The following ZMPSTE24 variants were observed in gnomAD, a reference collection of about 807,000 sequenced individuals.
The protein encoded by ZMPSTE24 is zinc metallopeptidase STE24.
Under a neutral mutation model 56.7 loss-of-function variants are expected in ZMPSTE24, and 48 were observed. That is an observed-to-expected ratio of 0.85 (90% CI 0.67 to 1.08). The LOEUF is 1.08. ZMPSTE24 is among the 50% of genes least tolerant of loss of function. ZMPSTE24 has a pLI of 0.00. For missense variants in ZMPSTE24, 503 were observed against 548.7 expected (o/e 0.92, Z 0.83); for synonymous variants, 172 against 195.2 (o/e 0.88, Z 0.99).
At chr1:40,287,097 C>G (rs1184092172) in intron 8 of ZMPSTE24, among the ~76,000 whole-genome samples, 6 of 148,288 alleles carry the variant, frequency 4.0e-5, no homozygotes, top group Non-Finnish European at 8.9e-5. Context: ...AATGGGGTCT[C>G]TCTCTGTCGT....
At chr1:40,284,666 C>T (rs1643766815) in intron 7 of ZMPSTE24, among the ~76,000 whole-genome samples, 1 of 152,154 alleles carries the variant, frequency 6.6e-6, no homozygotes, top group Admixed American at 6.5e-5. Context: ...GCACAAGAAT[C>T]ACTTGAACCC....
chr1:40,283,149 A>G (rs773511907), intron 7 of ZMPSTE24, among the ~76,000 whole-genome samples: 9 of 152,294 alleles, frequency 5.9e-5, no homozygotes, highest in Admixed American at 2.0e-4. Context: ...AAATAGGAAA[A>G]CTGAAGTCCA....
chr1:40,275,766 A>C (rs1288674868), intron 6 of ZMPSTE24, among the ~76,000 whole-genome samples: 3 of 151,710 alleles, frequency 2.0e-5, no homozygotes, highest in Non-Finnish European at 2.9e-5. Context: ...AAAAAAAAAA[A>C]AAAAAAAACA....
intron 6 of ZMPSTE24, among the ~76,000 whole-genome samples, chr1:40,278,872 G>A (rs1398173601): frequency 6.6e-6 from 1 of 152,222 alleles, no homozygotes; most frequent in African/African-American, 2.4e-5. Context: ...GTATGGGCCA[G>A]CTGTGGTGAT....
At position 40,268,394 on chromosome 1, in the gene ZMPSTE24, G is replaced by A. The variant is rs746777522; in HGVS notation, c.358-25G>A. The A allele has an allele frequency of 1.9e-6, 3 of 1,545,688 alleles. No homozygotes were observed. In the Admixed American group the frequency reaches 5.0e-5, roughly 26 times the overall value. Reference sequence around the variant, plus strand: ...GTTTGCCAGTAGTTCATAAAAACTGGATTTTTGTTTTTTCTTTTGTTTAGA... The same window carrying A: ...GTTTGCCAGTAGTTCATAAAAACTGAATTTTTGTTTTTTCTTTTGTTTAGA... On this transcript the variant is annotated intron_variant, in intron 3 of 9. Transcript: ENST00000372759.
At chr1:40,261,828 G>A (rs1342938643) in intron 2 of ZMPSTE24, among the ~76,000 whole-genome samples, 2 of 152,070 alleles carry the variant, frequency 1.3e-5, no homozygotes, top group Non-Finnish European at 2.9e-5. Flanking sequence ...TCCTACCTTA[G>A]GCTCCTGAGT....
chr1:40,273,902 T>G (rs1250998860), intron 6 of ZMPSTE24, among the ~76,000 whole-genome samples: 1 of 152,084 alleles, frequency 6.6e-6, no homozygotes, highest in Non-Finnish European at 1.5e-5. Flanking sequence ...TATTTTCTTT[T>G]TATCTTTTTT....
chr1:40,275,273 A>G (rs1456831424), intron 6 of ZMPSTE24, among the ~76,000 whole-genome samples: 3 of 148,462 alleles, frequency 2.0e-5, no homozygotes, highest in African/African-American at 7.4e-5. Context: ...TACAAAAAAA[A>G]AAAAAAAAAA....
chr1:40,290,024 T>G (rs1370808015), intron 8 of ZMPSTE24, among the ~76,000 whole-genome samples: 2 of 152,178 alleles, frequency 1.3e-5, no homozygotes, highest in Admixed American at 1.3e-4. Context: ...AAGCTTGCCC[T>G]TATAGAAAAT....
At chr1:40,269,507 T>C (rs1643591709) in intron 4 of ZMPSTE24, among the ~76,000 whole-genome samples, 1 of 152,230 alleles carries the variant, frequency 6.6e-6, no homozygotes. Context: ...TCACCTAGGC[T>C]GGAGTGCAGT....
intron 6 of ZMPSTE24, among the ~76,000 whole-genome samples, chr1:40,278,374 C>T (rs866842959): frequency 2.6e-5 from 4 of 151,430 alleles, no homozygotes; most frequent in Non-Finnish European, 4.4e-5. Context: ...CTGGCTAACA[C>T]GGTGAAACCC....
intron 7 of ZMPSTE24, among the ~76,000 whole-genome samples, chr1:40,284,956 C>T (rs1370336893): frequency 1.5e-4 from 20 of 130,920 alleles, no homozygotes; most frequent in Non-Finnish European, 2.7e-4. Flanking sequence ...GATGGAGTCT[C>T]ACTTTTTCAC....
chr1:40,275,778 C>T (rs1471784960), intron 6 of ZMPSTE24, among the ~76,000 whole-genome samples: 2 of 137,302 alleles, frequency 1.5e-5, no homozygotes, highest in Non-Finnish European at 3.1e-5. Context: ...AAAAAAACAA[C>T]GTTTGATATC....
chr1:40,266,428 A>G (rs1284768856), intron 2 of ZMPSTE24, among the ~76,000 whole-genome samples: 3 of 152,194 alleles, frequency 2.0e-5, no homozygotes, highest in Non-Finnish European at 4.4e-5. Flanking sequence ...CATTCTTCTC[A>G]AATTTTGAGC....
intron 4 of ZMPSTE24, among the ~76,000 whole-genome samples, chr1:40,269,129 G>T (rs1437779531): frequency 4.6e-5 from 7 of 151,628 alleles, no homozygotes; most frequent in African/African-American, 1.7e-4. Flanking sequence ...GGGTACAGTG[G>T]CTCACGCCTG....
intron 7 of ZMPSTE24, 74 bp downstream of exon 7, chr1:40,281,601 A>G: frequency 6.8e-7 from 1 of 1,464,226 alleles, no homozygotes; most frequent in Non-Finnish European, 9.4e-7. Flanking sequence ...AAATAACATC[A>G]ATTTCTAGGC....
In ZMPSTE24 at chr1:40,268,455, C is replaced by T. The variant is rs754176982; in HGVS notation, c.394C>T (p.Leu132Phe). 1 of 1,612,994 alleles carries T rather than the reference C, an allele frequency of 6.2e-7. No homozygotes were observed. The highest frequency in any genetic ancestry group is 1.1e-5 in the South Asian group (1 of 91,082). ...CCTGGTGTTTCTGCTGTTGGCTACACTTTTCAGTGCATTGACTGGTTTGCC... is the reference window on the plus strand; with the variant it reads ...CCTGGTGTTTCTGCTGTTGGCTACATTTTTCAGTGCATTGACTGGTTTGCC... ...QSLVFLLLAT[L>F]FSALTGLPWS... The change falls in exon 4 of 10, where the codon CTT (leucine) becomes TTT (phenylalanine). Residue 132 changes from leucine to phenylalanine, a missense_variant. Leu to Phe is a conservative substitution (Grantham distance 22). Coordinates refer to ENST00000372759, the MANE Select transcript of ZMPSTE24 (RefSeq NM_005857.5).
intron 2 of ZMPSTE24, among the ~76,000 whole-genome samples, chr1:40,265,859 T>C (rs1283469215): frequency 6.6e-6 from 1 of 152,198 alleles, no homozygotes; most frequent in Non-Finnish European, 1.5e-5. Flanking sequence ...CTGTTGCTGC[T>C]GTCCAGAGAC....
chr1:40,285,527 A>G (rs1643778079), intron 7 of ZMPSTE24, among the ~76,000 whole-genome samples: 1 of 152,228 alleles, frequency 6.6e-6, no homozygotes, highest in Non-Finnish European at 1.5e-5. Flanking sequence ...GGCGTGAGCC[A>G]CTGCAATTGG....
Sources: gnomAD v4.1 joint callset for allele counts (sites outside exome capture counted in the v4.1 genomes callset) on GRCh38, gnomAD v4.1.1 for gene constraint, MANE v1.5 for transcripts, NCBI Gene and HGNC (gene_info 2026-07-23, HGNC 2026-07-21) for gene names.